Variants in SYNE2 observed in about 807,000 individuals in gnomAD.
The protein encoded by SYNE2 is spectrin repeat containing nuclear envelope protein 2.
Under a neutral mutation model 856.3 loss-of-function variants are expected in SYNE2, and 431 were observed. The observed-to-expected ratio is 0.50, with a 90% CI of 0.47 to 0.55. The LOEUF (loss-of-function observed/expected upper bound fraction) is 0.55. SYNE2 is among the 20% of genes least tolerant of loss of function. The pLI is 0.00. For synonymous variants in SYNE2, 2,923 were observed against 2,872.3 expected (o/e 1.02, Z -0.56); for missense variants, 8,129 against 8,023.2 (o/e 1.01, Z -0.50).
intron 16 of SYNE2, 47 bp downstream of exon 16, chr14:63,981,220 T>C (rs1275318422): frequency 6.7e-7 from 1 of 1,491,860 alleles, no homozygotes; most frequent in South Asian, 1.1e-5. Flanking sequence ...TTTTAATTGT[T>C]TTATTTTGTG....
intron 94 of SYNE2, among the ~76,000 whole-genome samples, chr14:64,170,712 G>A (rs1595965862): frequency 6.6e-6 from 1 of 152,050 alleles, no homozygotes; most frequent in East Asian, 1.9e-4. Flanking sequence ...GCATGGAGTG[G>A]AGATGGGTGA....
intron 71 of SYNE2, 116 bp from the exon 72 acceptor site, chr14:64,126,211 C>T (rs1337668047): frequency 1.1e-6 from 1 of 907,678 alleles, no homozygotes. Flanking sequence ...TTTGAAGCAA[C>T]TTATTACAAA....
intron 1 of SYNE2, among the ~76,000 whole-genome samples, chr14:63,880,592 G>T (rs112376912): frequency 3.3e-5 from 5 of 150,402 alleles, no homozygotes; most frequent in Non-Finnish European, 5.9e-5. Context: ...ATATTTATAT[G>T]GTTACATTCC....
chr14:64,030,946 T>A, intron 44 of SYNE2, 70 bp from the exon 45 acceptor site: 1 of 1,179,790 alleles, frequency 8.5e-7, no homozygotes, highest in Non-Finnish European at 1.3e-6. Context: ...GAGTACTCTG[T>A]GATTTACAAA....
At chr14:63,784,341 A>G (rs547775573) in intron 1 of SYNE2, among the ~76,000 whole-genome samples, 31 of 148,718 alleles carry the variant, frequency 2.1e-4, no homozygotes, top group Non-Finnish European at 3.4e-4. Flanking sequence ...AAAAAAAAAT[A>G]CAAAAATTAG....
chr14:64,200,673 C>CA (rs1284373430), intron 99 of SYNE2, among the ~76,000 whole-genome samples: 1 of 152,170 alleles, frequency 6.6e-6, no homozygotes. Flanking sequence ...GTGGTGTTTG[C>CA]AGTAAGAATG....
intron 2 of SYNE2, among the ~76,000 whole-genome samples, chr14:63,933,055 G>C (rs774270691): frequency 1.2e-4 from 19 of 152,160 alleles, no homozygotes; most frequent in Admixed American, 9.2e-4. Context: ...TCAAAGTAAT[G>C]AATCTAGGGC....
chr14:63,804,736 C>T lies in SYNE2; in HGVS notation c.-305+42750C>T, dbSNP rs151203320. Among the ~76,000 whole-genome samples, 965 of 152,248 alleles carry T rather than the reference C, an allele frequency of 6.3e-3. 7 individuals are homozygous for T. The highest frequency in any genetic ancestry group is 0.021 in the African/African-American group (891 of 41,546). On this transcript the variant is annotated intron_variant, in intron 1 of 23. Coordinates refer to the SYNE2 transcript ENST00000674003. ...CTCGAACTCTCGAACTCAGGTGATCCGCCCGCCTTGGCCTCCCAAAGTGCT... is the reference window on the plus strand; with the variant it reads ...CTCGAACTCTCGAACTCAGGTGATCTGCCCGCCTTGGCCTCCCAAAGTGCT...
chr14:64,212,811 G>T lies in SYNE2; in HGVS notation c.18862G>T (p.Gly6288Cys). 6.2e-7 allele frequency: 1 copy of T among 1,614,122 alleles called. No homozygotes were observed. Among genetic ancestry groups the T allele is most frequent in the Non-Finnish European group, 8.5e-7 (1 of 1,179,974 alleles). ...DADDKMRQLNGFQQEITLNTN... is the reference protein window; with the variant it reads ...DADDKMRQLNCFQQEITLNTN... ...TCCTTTCTTTCTCCTCTCTCAACAG[G>T]GCTTCCAACAGGAAATTACATTAAA... Residue 6288 changes from glycine to cysteine, a missense_variant and splice_region_variant, in exon 105 of 116, where the codon GGC becomes TGC. Physicochemically the swap from Gly to Cys is radical, Grantham distance 159. Around this residue, in one of 3 missense-constraint regions of SYNE2, gnomAD observed 5,410 missense variants for 5,284.8 expected, o/e 1.02. Coordinates refer to ENST00000555002, the MANE Select transcript of SYNE2 (RefSeq NM_182914.3).
intron 11 of SYNE2, among the ~76,000 whole-genome samples, chr14:63,968,833 G>A (rs2096433471): frequency 6.6e-6 from 1 of 152,184 alleles, no homozygotes; most frequent in Non-Finnish European, 1.5e-5. Flanking sequence ...ATCCTTTGAT[G>A]TACAAACAAT....
intron 2 of SYNE2, among the ~76,000 whole-genome samples, chr14:63,935,009 G>A (rs1595729990): frequency 6.6e-6 from 1 of 151,098 alleles, no homozygotes; most frequent in East Asian, 1.9e-4. Context: ...TATAAAATTA[G>A]CCTTTGATGC....
rs148373714 is a variant in SYNE2, at chr14:63,986,159, G to A, written c.2152-297G>A. On this transcript the variant is annotated intron_variant, in intron 18 of 115. Transcript: ENST00000555002. ...TTGTTGCCCAGGCTGGAATGCAGTG[G>A]CATGATCATAGCTCACTGTAGCCCC... is the stretch of plus-strand genomic sequence containing the variant. 0.019 allele frequency among the ~76,000 whole-genome samples: 2,943 copies of A among 152,232 alleles called. 92 individuals carry two copies. Among genetic ancestry groups the A allele is most frequent in the African/African-American group, 0.066 (2,761 of 41,522 alleles).
chr14:64,102,054 C>T lies in SYNE2; in HGVS notation c.12492+12C>T, dbSNP rs368374335. 227 of 1,589,530 alleles carry T rather than the reference C, an allele frequency of 1.4e-4. No individual in the cohort carries two copies. The highest frequency in any genetic ancestry group is 2.5e-4 in the Admixed American group (15 of 59,972). On this transcript the variant is annotated intron_variant, in intron 64 of 115. Coordinates refer to ENST00000555002, the MANE Select transcript of SYNE2 (RefSeq NM_182914.3). ...GAACAATTGTTCAGGTAATGCTGGGCGTATCAGCCACGCTTAGGGGTTACG... is the reference window on the plus strand; with the variant it reads ...GAACAATTGTTCAGGTAATGCTGGGTGTATCAGCCACGCTTAGGGGTTACG...
intron 8 of SYNE2, among the ~76,000 whole-genome samples, chr14:63,959,703 T>C (rs1307730198): frequency 6.6e-6 from 1 of 152,142 alleles, no homozygotes; most frequent in African/African-American, 2.4e-5. Flanking sequence ...CCCTTCCTTT[T>C]TTACCTTCTT....
chr14:63,922,107 G>T (rs1256137378), intron 2 of SYNE2, among the ~76,000 whole-genome samples: 1 of 152,118 alleles, frequency 6.6e-6, no homozygotes, highest in Non-Finnish European at 1.5e-5. Flanking sequence ...AGGTTCAGGT[G>T]CTTCTCCTAC....
intron 2 of SYNE2, among the ~76,000 whole-genome samples, chr14:63,936,980 C>T (rs549645559): frequency 2.0e-5 from 3 of 152,104 alleles, no homozygotes; most frequent in South Asian, 4.2e-4. Flanking sequence ...AGGAGGCAAC[C>T]TTGATGAAGG....
chr14:63,939,336 AT>A (rs11367073), intron 2 of SYNE2, among the ~76,000 whole-genome samples: 69,119 of 132,902 alleles, frequency 0.52, 20,004 homozygotes, highest in Admixed American at 0.62. Context: ...TCCTACCTGG[AT>A]TTTTTTTTTC....
chr14:64,210,085 C>T lies in SYNE2; in HGVS notation c.18684C>T (p.Asn6228=). The change falls in exon 103 of 116, where the codon AAC becomes AAT. Residue 6228 remains asparagine, a synonymous_variant. Transcript: ENST00000555002. ...ACGAGGGCAACCAGCGCTGGGACAACCTTCAGAGGCGGGTCACAGCCGTCC... is the reference window on the plus strand; with the variant it reads ...ACGAGGGCAACCAGCGCTGGGACAATCTTCAGAGGCGGGTCACAGCCGTCC... ...MVHEGNQRWD[N]LQRRVTAVLR... is the part of the protein sequence containing the mutation. 1 of 1,614,062 alleles carries T rather than the reference C, an allele frequency of 6.2e-7. No homozygotes were observed. Among genetic ancestry groups the T allele is most frequent in the Non-Finnish European group, 8.5e-7 (1 of 1,179,986 alleles).
At chr14:63,980,138 C>T (rs904885224) in intron 14 of SYNE2, among the ~76,000 whole-genome samples, 4 of 152,124 alleles carry the variant, frequency 2.6e-5, no homozygotes, top group Non-Finnish European at 4.4e-5. Context: ...TATTGGCACA[C>T]ATAAGTATAC....
Sources: allele counts gnomAD v4.1 joint callset (sites outside exome capture counted in the v4.1 genomes callset), GRCh38; gene constraint gnomAD v4.1.1; regional missense constraint gnomAD v4.1.1; transcripts MANE v1.5; gene names NCBI Gene and HGNC (gene_info 2026-07-23, HGNC 2026-07-21).